The following PLPPR1 variants were observed in gnomAD, a reference collection of about 807,000 sequenced individuals.
PLPPR1 encodes the protein phospholipid phosphatase-related protein type 1.
In PLPPR1, 10 loss-of-function variants were observed where a neutral mutation model predicts 33.1. That is an observed-to-expected ratio of 0.30 (90% CI 0.19 to 0.51). The LOEUF is 0.51. PLPPR1 is among the 20% of genes least tolerant of loss of function. The pLI is 0.97. For synonymous variants in PLPPR1, 151 were observed against 151.0 expected (o/e 1.00, Z 0.00); for missense variants, 304 against 408.1 (o/e 0.74, Z 2.20).
rs376477018 is a variant in PLPPR1 at position 101,317,416 on chromosome 9, C to T, written c.865C>T (p.Pro289Ser). 6.2e-7 allele frequency: 1 copy of T among 1,614,084 alleles called. No individual in the cohort carries two copies. Among genetic ancestry groups the T allele is most frequent in the Non-Finnish European group, 8.5e-7 (1 of 1,179,978 alleles). Residue 289 changes from proline to serine, a missense_variant, in exon 7 of 8, where the codon CCC (proline) becomes TCC (serine). Physicochemically the swap from Pro to Ser is moderately conservative, Grantham distance 74 (BLOSUM62 -1). Coordinates refer to ENST00000374874, the MANE Select transcript of PLPPR1 (RefSeq NM_207299.2). Reference sequence around the variant, plus strand: ...AGGAACGCAAGGATCTCCTTCCAAACCCAAGCCTGAGGATCCCCGTGGAGT... The same window carrying T: ...AGGAACGCAAGGATCTCCTTCCAAATCCAAGCCTGAGGATCCCCGTGGAGT... ...FKGTQGSPSK[P>S]KPEDPRGVPL...
At chr9:101,138,018 G>A (rs896793182) in intron 1 of PLPPR1, among the ~76,000 whole-genome samples, 4 of 152,196 alleles carry the variant, frequency 2.6e-5, no homozygotes, top group African/African-American at 7.2e-5. Context: ...AGATAGCATC[G>A]ATGAGGCTGT....
chr9:101,190,582 T>C (rs147596651), intron 2 of PLPPR1, among the ~76,000 whole-genome samples: 2 of 152,018 alleles, frequency 1.3e-5, no homozygotes, highest in African/African-American at 4.8e-5. Context: ...TTTGTGGCAG[T>C]TGGTGGGGAG....
intron 3 of PLPPR1, among the ~76,000 whole-genome samples, chr9:101,285,255 T>C: frequency 6.6e-6 from 1 of 151,932 alleles, no homozygotes; most frequent in African/African-American, 2.4e-5. Flanking sequence ...GAATACACTG[T>C]GCTGGGTGCC....
At chr9:101,262,067 A>G (rs1324030689) in intron 2 of PLPPR1, among the ~76,000 whole-genome samples, 1 of 152,180 alleles carries the variant, frequency 6.6e-6, no homozygotes, top group African/African-American at 2.4e-5. Flanking sequence ...GCTGCCCATT[A>G]GTTTTTAGAA....
At chr9:101,272,573 C>T (rs1228359914) in intron 3 of PLPPR1, among the ~76,000 whole-genome samples, 1 of 152,130 alleles carries the variant, frequency 6.6e-6, no homozygotes, top group Non-Finnish European at 1.5e-5. Flanking sequence ...ACATAGGAGA[C>T]TCAAATGTAA....
chr9:101,051,951 A>C (rs1355800017), intron 1 of PLPPR1, among the ~76,000 whole-genome samples: 2 of 152,208 alleles, frequency 1.3e-5, no homozygotes, highest in Admixed American at 6.5e-5. Context: ...TTTAGTATGT[A>C]ATGAGACATA....
rs546573163 is a variant in PLPPR1 at position 101,277,441 on chromosome 9, G to A, written c.252+7373G>A. Among the ~76,000 whole-genome samples, 6 of 152,286 alleles carry A rather than the reference G, an allele frequency of 3.9e-5. No individual in the cohort carries two copies. The South Asian group carries it at 1.0e-3, about 26-fold the overall frequency. ...GGGAAGGTTACTTGGTAAGGGTGAA[G>A]GCCCATGGGATTGTAGAAGGAAATG... On this transcript the variant is annotated intron_variant, in intron 3 of 7. Coordinates refer to ENST00000374874, the MANE Select transcript of PLPPR1 (RefSeq NM_207299.2).
At chr9:101,309,082 G>T (rs78421496) in intron 4 of PLPPR1, 129 bp from the exon 5 acceptor site, 34,777 of 898,004 alleles carry the variant, frequency 0.039, 837 homozygotes, top group Admixed American at 0.061. Flanking sequence ...CTCCTGGAAA[G>T]ATACTCCGGG....
chr9:101,108,200 A>G (rs1588031212), intron 1 of PLPPR1, among the ~76,000 whole-genome samples: 1 of 152,134 alleles, frequency 6.6e-6, no homozygotes, highest in South Asian at 2.1e-4. Flanking sequence ...ATCTTCTACT[A>G]TTGTAATTCC....
chr9:101,126,760 A>G (rs1831250530), intron 1 of PLPPR1, among the ~76,000 whole-genome samples: 1 of 152,100 alleles, frequency 6.6e-6, no homozygotes, highest in Non-Finnish European at 1.5e-5. Flanking sequence ...TCTTTCATTT[A>G]ATTTCCTCCA....
At chr9:101,143,619 G>A (rs527505799) in intron 1 of PLPPR1, among the ~76,000 whole-genome samples, 5 of 152,184 alleles carry the variant, frequency 3.3e-5, no homozygotes, top group South Asian at 2.1e-4. Context: ...AGTGGGCGAA[G>A]GATATGAACA....
rs1826189542 is a variant in PLPPR1 at position 101,185,538 on chromosome 9, C to T, written c.44C>T (p.Pro15Leu). 4 of 1,608,156 alleles carry T rather than the reference C, an allele frequency of 2.5e-6. No homozygotes were observed. Among genetic ancestry groups the T allele is most frequent in the Non-Finnish European group, 3.4e-6 (4 of 1,176,130 alleles). The change falls in exon 2 of 8, where the codon CCG (proline) becomes CTG (leucine). Residue 15 changes from proline (P) to leucine (L), a missense_variant. By Grantham distance (98) the Pro-to-Leu change is moderately conservative. Transcript: ENST00000374874. ...ACTCAACGAAGTTATTCCATCATCC[C>T]GTGTTTTATATTTGTTGAGGTATGT... ...NNTQRSYSII[P>L]CFIFVELVIM...
chr9:101,207,929 C>G (rs1369460999), intron 2 of PLPPR1, among the ~76,000 whole-genome samples: 1 of 152,168 alleles, frequency 6.6e-6, no homozygotes, highest in Non-Finnish European at 1.5e-5. Context: ...CCTATTCTAC[C>G]TACAAACGTA....
intron 1 of PLPPR1, among the ~76,000 whole-genome samples, chr9:101,114,453 A>G (rs1246309422): frequency 6.6e-6 from 1 of 152,226 alleles, no homozygotes; most frequent in African/African-American, 2.4e-5. Flanking sequence ...GGATAGGGTC[A>G]TCTACAAAAG....
intron 1 of PLPPR1, among the ~76,000 whole-genome samples, chr9:101,049,175 C>T (rs1830190199): frequency 6.6e-6 from 1 of 152,144 alleles, no homozygotes; most frequent in Admixed American, 6.6e-5. Flanking sequence ...AGTTTTGGGA[C>T]TTAATTGGCA....
In PLPPR1 at chr9:101,312,982, G is replaced by A; in HGVS notation, c.813+8G>A. 6.2e-7 allele frequency: 1 copy of A among 1,613,806 alleles called. No homozygotes were observed. The highest frequency in any genetic ancestry group is 1.1e-5 in the South Asian group (1 of 91,070). ...GCAGTGGCCCTGTTTCTGGTAGGTT[G>A]ACTTCCCTCTTTTTACCTTTTCCCC... On this transcript the variant is annotated splice_region_variant and intron_variant, in intron 6 of 7. Coordinates refer to ENST00000374874, the MANE Select transcript of PLPPR1 (RefSeq NM_207299.2).
At chr9:101,261,559 T>A (rs1350260768) in intron 2 of PLPPR1, among the ~76,000 whole-genome samples, 1 of 152,120 alleles carries the variant, frequency 6.6e-6, no homozygotes, top group Non-Finnish European at 1.5e-5. Context: ...CTTTAATTGC[T>A]TTAATTAAAA....
chr9:101,181,923 GTA>G (rs968953349), intron 1 of PLPPR1, among the ~76,000 whole-genome samples: 2 of 147,560 alleles, frequency 1.4e-5, no homozygotes, highest in Admixed American at 6.8e-5. Flanking sequence ...GTGTGTATGT[GTA>G]TATATATATA....
intron 1 of PLPPR1, among the ~76,000 whole-genome samples, chr9:101,095,121 T>C (rs1306722291): frequency 6.6e-6 from 1 of 152,242 alleles, no homozygotes; most frequent in Non-Finnish European, 1.5e-5. Flanking sequence ...TGTCCTGGAA[T>C]GGTCCATTAG....
Sources: allele counts gnomAD v4.1 joint callset (sites outside exome capture counted in the v4.1 genomes callset), GRCh38; gene constraint gnomAD v4.1.1; transcripts MANE v1.5; gene names NCBI Gene and HGNC (gene_info 2026-07-23, HGNC 2026-07-21).